The following AHNAK variants were observed in gnomAD, a reference collection of about 807,000 sequenced individuals.
The protein encoded by AHNAK is neuroblast differentiation-associated protein AHNAK.
Under a neutral mutation model 37.8 loss-of-function variants are expected in AHNAK, and 23 were observed. The observed-to-expected ratio is 0.61, with a 90% CI of 0.44 to 0.86. AHNAK has a LOEUF of 0.86. Among genes scored for constraint, AHNAK ranks in the 40% least tolerant of loss-of-function variants. The pLI, the probability that AHNAK is intolerant of heterozygous loss-of-function variation, is 0.00. For synonymous variants in AHNAK, 2,481 were observed against 2,636.3 expected, an observed-to-expected ratio of 0.94 and a Z score of 1.80; for missense variants, 7,411 against 7,319.4, an observed-to-expected ratio of 1.01 and a Z score of -0.46.
intron 5 of AHNAK, among the ~76,000 whole-genome samples, chr11:62,485,148 C>T (rs1939364221): frequency 6.6e-6 from 1 of 152,110 alleles, no homozygotes; most frequent in South Asian, 2.1e-4. Flanking sequence ...TCTGTAACCC[C>T]AGCACTTTGA....
At chr11:62,444,356 T>C (rs1938379193) in intron 5 of AHNAK, among the ~76,000 whole-genome samples, 1 of 152,208 alleles carries the variant, frequency 6.6e-6, no homozygotes, top group African/African-American at 2.4e-5. Context: ...GCTGGGTGGG[T>C]GCCCAGCCAA....
intron 5 of AHNAK, among the ~76,000 whole-genome samples, chr11:62,489,273 C>T (rs1177660313): frequency 1.3e-5 from 2 of 150,746 alleles, no homozygotes; most frequent in South Asian, 2.1e-4. Context: ...GGAGCATAGA[C>T]CGGCATCATG....
chr11:62,475,167 G>A (rs983620403), intron 5 of AHNAK, among the ~76,000 whole-genome samples: 2 of 152,190 alleles, frequency 1.3e-5, no homozygotes, highest in Admixed American at 6.5e-5. Context: ...GCCAGGCATA[G>A]TGGCAGGTGC....
chr11:62,535,647 T>C (rs1243741051), intron 3 of AHNAK, among the ~76,000 whole-genome samples: 1 of 126,884 alleles, frequency 7.9e-6, no homozygotes, highest in East Asian at 2.2e-4. Context: ...AAACTCCATC[T>C]AAAAAAAAAA....
In AHNAK at chr11:62,517,158, CAG is replaced by C; in HGVS notation, c.17257_17258del (p.Leu5753GlyfsTer19). 6.2e-7 allele frequency: 1 copy of C among 1,613,198 alleles called. No homozygotes were observed. The highest frequency in any genetic ancestry group is 8.5e-7 in the Non-Finnish European group (1 of 1,179,922). On this transcript the variant is annotated frameshift_variant, in exon 5 of 5. Coordinates refer to ENST00000378024, the MANE Select transcript of AHNAK (RefSeq NM_001620.3). LOFTEE classifies it high-confidence loss of function. Reference sequence around the variant, plus strand: ...AGGCTTCGGCCTCTGCCTCTCCTTCCAGAGAGCCCAGGCTGGCCTTTGAACTT... The same window carrying C: ...AGGCTTCGGCCTCTGCCTCTCCTTCCAGAGCCCAGGCTGGCCTTTGAACTT... ...LKSSKASLGS[L>X]EGEAEAEASS...
intron 5 of AHNAK, among the ~76,000 whole-genome samples, chr11:62,454,106 C>CAA (rs71458414): frequency 7.7e-4 from 101 of 130,680 alleles, no homozygotes; most frequent in South Asian, 2.4e-3. Context: ...ATCTCTGTCT[C>CAA]AAAAAAAAAA....
chr11:62,478,441 A>C (rs527271677), intron 5 of AHNAK, among the ~76,000 whole-genome samples: 15 of 152,192 alleles, frequency 9.9e-5, no homozygotes, highest in Admixed American at 7.8e-4. Flanking sequence ...CCTAGAAAAC[A>C]GGACAGGGTG....
At chr11:62,443,354 C>A (rs1362487427) in intron 5 of AHNAK, among the ~76,000 whole-genome samples, 2 of 149,880 alleles carry the variant, frequency 1.3e-5, no homozygotes, top group East Asian at 2.0e-4. Flanking sequence ...CTCACCGCAA[C>A]CTCCGCCTCC....
chr11:62,481,746 T>G (rs2134872076), intron 5 of AHNAK, among the ~76,000 whole-genome samples: 1 of 151,538 alleles, frequency 6.6e-6, no homozygotes, highest in East Asian at 2.0e-4. Flanking sequence ...CCTGGCTAAT[T>G]TTTTGTATTT....
rs1940846625 is a variant in AHNAK at position 62,533,663 on chromosome 11, T to C, written c.754A>G (p.Lys252Glu). The stretch of plus-strand genomic sequence containing the variant: ...ACATTGACACCTGAGCCTCCCACCT[T>C]TATCCCAGGCATGGTGACCTGGAGC... ...SKLQVTMPGI[K>E]VGGSGVNVNA... Residue 252 changes from lysine to glutamate, a missense_variant, in exon 5 of 5, where the codon AAG (lysine) becomes GAG (glutamate). Lys to Glu is a moderately conservative substitution (Grantham distance 56). Coordinates refer to ENST00000378024, the MANE Select transcript of AHNAK (RefSeq NM_001620.3). The C allele has an allele frequency of 1.2e-6, 2 of 1,614,050 alleles. No individual in the cohort carries two copies.
At position 62,524,641 on chromosome 11, in the gene AHNAK, T is replaced by C. The variant is rs1245890336; in HGVS notation, c.9776A>G (p.Lys3259Arg). 2 of 1,614,242 alleles carry C rather than the reference T, an allele frequency of 1.2e-6. No individual in the cohort carries two copies. Among genetic ancestry groups the C allele is most frequent in the Admixed American group, 1.7e-5 (1 of 60,030 alleles). Residue 3259 changes from lysine to arginine, a missense_variant, in exon 5 of 5, where the codon AAG becomes AGG. Lys to Arg is a conservative substitution (Grantham distance 26). Transcript: ENST00000378024. ...KGPALDIKGPKIDVDAPDIDI... is the reference protein window; with the variant it reads ...KGPALDIKGPRIDVDAPDIDI... ...AATATCTGGAGCATCTACATCTATC[T>C]TTGGGCCTTTTATGTCAAGAGCAGG...
rs373369784 is a variant in AHNAK, at chr11:62,433,861, G to T, written c.*23C>A. The T allele has an allele frequency of 5.0e-5, 81 of 1,613,774 alleles. No individual in the cohort carries two copies. The South Asian group carries it at 5.2e-4, about 10-fold the overall frequency. Reference sequence around the variant, plus strand: ...GGTCACAAAAACAACCTTAAGAGGGGGTGGTTTTCTTCCTGGCCGCTTCTA... The same window carrying T: ...GGTCACAAAAACAACCTTAAGAGGGTGTGGTTTTCTTCCTGGCCGCTTCTA... On this transcript the variant is annotated 3_prime_UTR_variant, in exon 6 of 6. Transcript: ENST00000257247.
At position 62,531,909 on chromosome 11, in the gene AHNAK, A is replaced by G. The variant is rs1277554366; in HGVS notation, c.2508T>C (p.Tyr836=). Residue 836 remains tyrosine (Y), a synonymous_variant, in exon 5 of 5, where the codon TAT becomes TAC. Transcript: ENST00000378024. Reference sequence around the variant, plus strand: ...TTTCAACCTTTGGCATTGTGACATCATATTCTCCCTTTACGTTAGGGCCTT... The same window carrying G: ...TTTCAACCTTTGGCATTGTGACATCGTATTCTCCCTTTACGTTAGGGCCTT... ...HLKGPNVKGE[Y]DVTMPKVESE... 2.5e-6 allele frequency: 4 copies of G among 1,612,930 alleles called. No individual in the cohort carries two copies. The Admixed American group carries it at 6.7e-5, about 27-fold the overall frequency.
At chr11:62,535,800 G>C in intron 3 of AHNAK, 145 bp downstream of exon 3, 1 of 1,119,880 alleles carries the variant, frequency 8.9e-7, no homozygotes, top group Non-Finnish European at 1.2e-6. Flanking sequence ...GGAGGGCAGG[G>C]CTTGGGTACC....
At chr11:62,448,797 C>T (rs887671806) in intron 5 of AHNAK, among the ~76,000 whole-genome samples, 1 of 152,204 alleles carries the variant, frequency 6.6e-6, no homozygotes, top group Non-Finnish European at 1.5e-5. Flanking sequence ...AGGCCGGGCA[C>T]AGTGGCTCAC....
rs1940191846 is a variant in AHNAK, at chr11:62,520,379, C to G, written c.14038G>C (p.Asp4680His). The G allele has an allele frequency of 6.2e-7, 1 of 1,613,350 alleles. No individual in the cohort carries two copies. Among genetic ancestry groups the G allele is most frequent in the African/African-American group, 1.3e-5 (1 of 74,634 alleles). The change falls in exon 5 of 5, where the codon GAC (aspartate) becomes CAC (histidine). Residue 4680 changes from aspartate (D) to histidine (H), a missense_variant. By Grantham distance (81) the Asp-to-His change is moderately conservative. Coordinates refer to ENST00000378024, the MANE Select transcript of AHNAK (RefSeq NM_001620.3). ...PDVDVNLPKA[D>H]IDVSGPKVDV... ...ACTTTGGGTCCTGAGACATCAATGT[C>G]AGCCTTGGGCAGGTTCACATCCACA...
At chr11:62,441,897 T>C (rs1383351964) in intron 5 of AHNAK, among the ~76,000 whole-genome samples, 1 of 152,108 alleles carries the variant, frequency 6.6e-6, no homozygotes, top group Admixed American at 6.6e-5. Flanking sequence ...CCTCCCCTGT[T>C]AGAGATGCTA....
At chr11:62,496,720 G>A (rs1021802760) in intron 4 of AHNAK, among the ~76,000 whole-genome samples, 1 of 151,968 alleles carries the variant, frequency 6.6e-6, no homozygotes, top group Admixed American at 6.6e-5. Flanking sequence ...GCTTGAACCC[G>A]GGAGGCGGCA....
In AHNAK at chr11:62,530,515, C is replaced by T. The variant is rs774665780; in HGVS notation, c.3902G>A (p.Gly1301Asp). The T allele has an allele frequency of 1.9e-6, 3 of 1,611,804 alleles. No individual in the cohort carries two copies. The highest frequency in any genetic ancestry group is 3.3e-5 in the Admixed American group (2 of 59,718). The stretch of plus-strand genomic sequence containing the variant: ...GGGGCCCTTCAGCTTTCCTTCCGGG[C>T]CCTCAAGGCTCACATCTGGGACTTC... Reference protein sequence around the residue: ...DVEVPDVSLEGPEGKLKGPKF... With the variant: ...DVEVPDVSLEDPEGKLKGPKF... Residue 1301 changes from glycine to aspartate, a missense_variant, in exon 5 of 5, where the codon GGC (glycine) becomes GAC (aspartate). Physicochemically the swap from Gly to Asp is moderately conservative, Grantham distance 94. Coordinates refer to ENST00000378024, the MANE Select transcript of AHNAK (RefSeq NM_001620.3).
Sources: allele counts gnomAD v4.1 joint callset (sites outside exome capture counted in the v4.1 genomes callset), GRCh38; gene constraint gnomAD v4.1.1; transcripts MANE v1.5; gene names NCBI Gene and HGNC (gene_info 2026-07-23, HGNC 2026-07-21).